SSUH2: variants seen among roughly 807,000 people sequenced by gnomAD.
The protein encoded by SSUH2 is protein SSUH2 homolog.
SSUH2 carries 47 observed loss-of-function variants against 55.3 expected under a neutral mutation model. The ratio of observed to expected loss-of-function variants is 0.85; its 90% CI spans 0.67 to 1.08. The LOEUF (loss-of-function observed/expected upper bound fraction) is 1.08. Ranked by LOEUF, SSUH2 falls within the 50% of genes least tolerant of loss-of-function variation. The pLI, the probability that SSUH2 is intolerant of heterozygous loss-of-function variation, is 0.00. For synonymous variants in SSUH2, 212 were observed against 191.5 expected (o/e 1.11, Z -0.89); for missense variants, 535 against 490.7 (o/e 1.09, Z -0.85).
In SSUH2 at chr3:8,626,298, C is replaced by T; in HGVS notation, c.698G>A (p.Gly233Glu). 1 of 1,614,128 alleles carries T rather than the reference C, an allele frequency of 6.2e-7. No individual in the cohort carries two copies. Among genetic ancestry groups the T allele is most frequent in the Non-Finnish European group, 8.5e-7 (1 of 1,180,002 alleles). ...CTTGCAGGTGGCGCAGGTCTTGTTC[C>T]CTCTCCCTGAGCAAGTGCTGCATCT... is the stretch of plus-strand genomic sequence containing the variant. ...RRRCSTCSGR[G>E]NKTCATCKGE... The change falls in exon 9 of 12, where the codon GGG becomes GAG. Residue 233 changes from glycine (G) to glutamate (E), a missense_variant. By Grantham distance (98) the Gly-to-Glu change is moderately conservative (BLOSUM62 -2). Transcript: ENST00000544814.
rs78464879 is a variant in SSUH2 at position 8,665,258 on chromosome 3, A to C, written c.-454-1456T>G. Among the ~76,000 whole-genome samples the C allele has an allele frequency of 3.0e-4, 45 of 152,338 alleles. No individual in the cohort carries two copies. In the East Asian group the frequency reaches 5.8e-3, roughly 20 times the overall value. ...AATGAATTGGAAGAAAAGGAAGATA[A>C]AGAAGAAAACAGGGTAGAAGGGGAA... is the stretch of plus-strand genomic sequence containing the variant. On this transcript the variant is annotated intron_variant, in intron 5 of 18. Coordinates refer to the SSUH2 transcript ENST00000317371.
In SSUH2 at chr3:8,623,656, C is replaced by T; in HGVS notation, c.874G>A (p.Val292Met). The change falls in exon 11 of 12, where the codon GTG (valine) becomes ATG (methionine). Residue 292 changes from valine (V) to methionine (M), a missense_variant and splice_region_variant. Physicochemically the swap from Val to Met is conservative, Grantham distance 21. Transcript: ENST00000544814. ...AGAGGGAAGTCCACGATGGGGTACA[C>T]CTGGGGGAAAGAGAGAGAGACACAG... ...ENLFKDENSV[V>M]YPIVDFPLRD... 6.7e-7 allele frequency: 1 copy of T among 1,497,572 alleles called. No individual in the cohort carries two copies. Among genetic ancestry groups the T allele is most frequent in the African/African-American group, 1.4e-5 (1 of 71,942 alleles). The allele number at this position is 1,497,572 out of a possible 1,614,324, so 92.8% of individuals were successfully genotyped here. A position where few individuals can be genotyped will look rare whatever the true frequency, so the allele number is the denominator to read the frequency against.
Position 8,643,782 on chromosome 3 carries a change from T to A in SSUH2, c.28+949A>T, listed in dbSNP as rs73125170. Among the ~76,000 whole-genome samples the A allele has an allele frequency of 8.9e-3, 1,357 of 152,266 alleles. 25 individuals are homozygous for A. The highest frequency in any genetic ancestry group is 0.03 in the African/African-American group (1,248 of 41,536). ...TGAAAGCTATAGACCTCTCTCTACA[T>A]CTCCCAAAAAGCATGCTCAAAAAGC... On this transcript the variant is annotated intron_variant, in intron 1 of 11. Transcript: ENST00000544814.
At chr3:8,678,433 G>A (rs1157517823) in intron 2 of SSUH2, among the ~76,000 whole-genome samples, 2 of 152,136 alleles carry the variant, frequency 1.3e-5, no homozygotes, top group South Asian at 2.1e-4. Flanking sequence ...TGCGATGCTG[G>A]AATTATTATC....
chr3:8,662,946 C>T (rs998190142), intron 6 of SSUH2, among the ~76,000 whole-genome samples: 3 of 152,198 alleles, frequency 2.0e-5, no homozygotes, highest in African/African-American at 7.2e-5. Flanking sequence ...AAATAAGTAC[C>T]AAGGCCATAT....
intron 11 of SSUH2, among the ~76,000 whole-genome samples, chr3:8,622,783 C>T (rs563539419): frequency 1.8e-4 from 27 of 152,266 alleles, no homozygotes; most frequent in Admixed American, 1.6e-3. Context: ...TTTTGAGCAC[C>T]GGGTGCCAAA....
At chr3:8,679,211 G>GGT (rs1705751956) in intron 2 of SSUH2, among the ~76,000 whole-genome samples, 1 of 50,652 alleles carries the variant, frequency 2.0e-5, no homozygotes, top group African/African-American at 6.4e-5. Flanking sequence ...CATCGCAGGG[G>GGT]GGATGGCACC....
At chr3:8,624,704 T>C (rs889771768) in intron 10 of SSUH2, among the ~76,000 whole-genome samples, 1 of 152,188 alleles carries the variant, frequency 6.6e-6, no homozygotes, top group Non-Finnish European at 1.5e-5. Flanking sequence ...AAAGCGGCCA[T>C]AGACAACCTG....
At chr3:8,677,790 C>T (rs1235967687) in intron 2 of SSUH2, among the ~76,000 whole-genome samples, 1 of 150,680 alleles carries the variant, frequency 6.6e-6, no homozygotes, top group East Asian at 2.1e-4. Flanking sequence ...CATAAAGGCC[C>T]CCCATGCTGT....
At chr3:8,648,563 GC>G (rs200449772), upstream of SSUH2, among the ~76,000 whole-genome samples, 4,436 of 151,992 alleles carry the variant, frequency 0.029, 104 homozygotes, top group Admixed American at 0.052. Context: ...TTTAGCTGGT[GC>G]CCCCCCATCC....
intron 3 of SSUH2, 42 bp downstream of exon 3, chr3:8,635,258 A>C (rs1204473476): frequency 6.8e-7 from 1 of 1,478,180 alleles, no homozygotes; most frequent in Non-Finnish European, 9.1e-7. Flanking sequence ...CAATAGTGAC[A>C]TAGGAAATGC....
intron 5 of SSUH2, 104 bp downstream of exon 5, chr3:8,631,945 G>C: frequency 1.1e-6 from 1 of 885,906 alleles, no homozygotes; most frequent in Non-Finnish European, 1.9e-6. Flanking sequence ...CCAAGCAGAA[G>C]ACCATCTTAT....
chr3:8,624,418 A>C (rs1222951482), intron 10 of SSUH2, among the ~76,000 whole-genome samples: 1 of 152,180 alleles, frequency 6.6e-6, no homozygotes, highest in East Asian at 1.9e-4. Flanking sequence ...CCCAGGGGGA[A>C]ATCCCTAACT....
intron 1 of SSUH2, among the ~76,000 whole-genome samples, chr3:8,641,500 TG>T (rs1174421370): frequency 6.6e-6 from 1 of 152,190 alleles, no homozygotes; most frequent in Non-Finnish European, 1.5e-5. Context: ...CAGGAGAGCC[TG>T]GGGATCCTGT....
At chr3:8,653,218 A>G (rs967817095) in intron 7 of SSUH2, among the ~76,000 whole-genome samples, 27 of 152,264 alleles carry the variant, frequency 1.8e-4, no homozygotes, top group Non-Finnish European at 3.1e-4. Flanking sequence ...AGCAAGAGGC[A>G]GGAGCCGCAG....
At chr3:8,672,578 A>C (rs1346181824) in intron 3 of SSUH2, among the ~76,000 whole-genome samples, 1 of 152,152 alleles carries the variant, frequency 6.6e-6, no homozygotes. Flanking sequence ...ATTAGGAAGA[A>C]TATCCCAGGA....
upstream of SSUH2, among the ~76,000 whole-genome samples, chr3:8,647,901 G>C (rs1701910583): frequency 6.6e-6 from 1 of 152,232 alleles, no homozygotes; most frequent in African/African-American, 2.4e-5. Flanking sequence ...CAGGAATCAA[G>C]TATGGAGTGG....
chr3:8,635,681 C>A, intron 2 of SSUH2, 78 bp downstream of exon 2: 1 of 1,340,732 alleles, frequency 7.5e-7, no homozygotes, highest in East Asian at 2.5e-5. Context: ...CTCAGCACCA[C>A]CTTTTTCCCG....
Position 8,625,566 on chromosome 3 carries a change from G to C in SSUH2, c.849C>G (p.Asn283Lys). The change falls in exon 10 of 12, where the codon AAC (asparagine) becomes AAG (lysine). Residue 283 changes from asparagine (N) to lysine (K), a missense_variant. Physicochemically the swap from Asn to Lys is moderately conservative, Grantham distance 94 (BLOSUM62 0). Transcript: ENST00000544814. ...CCACCGAGTTTTCATCCTTAAAGAG[G>C]TTTTCTCCTTTGGCTTTAGCAAGGA... ...RELLAKAKGE[N>K]LFKDENSVVY... The C allele has an allele frequency of 6.2e-7, 1 of 1,613,530 alleles. No individual in the cohort carries two copies. Among genetic ancestry groups the C allele is most frequent in the East Asian group, 2.2e-5 (1 of 44,860 alleles).
Sources: gnomAD v4.1 joint callset for allele counts (sites outside exome capture counted in the v4.1 genomes callset) on GRCh38, gnomAD v4.1.1 for gene constraint, MANE v1.5 for transcripts, NCBI Gene and HGNC (gene_info 2026-07-23, HGNC 2026-07-21) for gene names.